Variants in ETV6 observed in about 807,000 individuals in gnomAD.
The protein encoded by ETV6 is ETS variant transcription factor 6.
A neutral mutation model predicts 51.1 loss-of-function variants in ETV6; 16 were observed. That is an observed-to-expected ratio of 0.31 (90% CI 0.21 to 0.48). The LOEUF (loss-of-function observed/expected upper bound fraction) is 0.48. Ranked by LOEUF, ETV6 falls within the 20% of genes least tolerant of loss-of-function variation. The pLI is 0.99. For missense variants in ETV6, 458 were observed against 594.8 expected (o/e 0.77, Z 2.39); for synonymous variants, 240 against 224.1 (o/e 1.07, Z -0.64).
At chr12:11,734,399 G>C (rs1865662810) in intron 1 of ETV6, among the ~76,000 whole-genome samples, 1 of 151,818 alleles carries the variant, frequency 6.6e-6, no homozygotes, top group Non-Finnish European at 1.5e-5. Flanking sequence ...TTGAGCTCAG[G>C]AGTTCGAGAC....
chr12:11,652,176 AGAAAG>A (rs750255856), intron 1 of ETV6, among the ~76,000 whole-genome samples: 12 of 152,234 alleles, frequency 7.9e-5, no homozygotes, highest in Non-Finnish European at 1.6e-4. Flanking sequence ...GTTCTTTACC[AGAAAG>A]GAAAGAATCA....
chr12:11,723,800 T>C (rs1175648616), intron 1 of ETV6, among the ~76,000 whole-genome samples: 2 of 152,224 alleles, frequency 1.3e-5, no homozygotes, highest in Middle Eastern at 3.4e-3. Flanking sequence ...TCACCAACCA[T>C]TGAGAAAGCT....
rs1198574798 is a variant in ETV6, at chr12:11,739,010, A to C, written c.34-13440A>C. 4.9e-4 allele frequency among the ~76,000 whole-genome samples: 74 copies of C among 152,162 alleles called. 1 individual carries two copies. The highest frequency in any genetic ancestry group is 4.7e-3 in the Admixed American group (72 of 15,280). Reference sequence around the variant, plus strand: ...TTGGGGAGGAGAGCTGAAACTTTGCAAAGTGGCGTCCTGAACCAACTTGTT... The same window carrying C: ...TTGGGGAGGAGAGCTGAAACTTTGCCAAGTGGCGTCCTGAACCAACTTGTT... On this transcript the variant is annotated intron_variant, in intron 1 of 7. Coordinates refer to ENST00000396373, the MANE Select transcript of ETV6 (RefSeq NM_001987.5).
intron 2 of ETV6, among the ~76,000 whole-genome samples, chr12:11,837,046 A>G (rs1314262611): frequency 1.3e-5 from 2 of 152,186 alleles, no homozygotes; most frequent in Non-Finnish European, 2.9e-5. Context: ...TACCAGTTCA[A>G]AAACTGAGAT....
intron 1 of ETV6, among the ~76,000 whole-genome samples, chr12:11,681,494 T>A (rs542807926): frequency 6.8e-6 from 1 of 147,814 alleles, no homozygotes; most frequent in East Asian, 2.0e-4. Context: ...TTTCACCGTT[T>A]AAGGTCTTTC....
At chr12:11,654,932 A>G (rs945112229) in intron 1 of ETV6, among the ~76,000 whole-genome samples, 1 of 152,164 alleles carries the variant, frequency 6.6e-6, no homozygotes, top group East Asian at 1.9e-4. Context: ...AGCTGGCCCT[A>G]GAGAAGTAGC....
intron 2 of ETV6, among the ~76,000 whole-genome samples, chr12:11,824,502 G>C (rs1946125189): frequency 6.6e-6 from 1 of 152,232 alleles, no homozygotes; most frequent in Non-Finnish European, 1.5e-5. Flanking sequence ...GGGATGGCCA[G>C]GCATGGTGGC....
chr12:11,684,346 A>T (rs544344880), intron 1 of ETV6, among the ~76,000 whole-genome samples: 1 of 152,354 alleles, frequency 6.6e-6, no homozygotes, highest in South Asian at 2.1e-4. Context: ...TTAGCTTTTA[A>T]AACATATTAT....
At chr12:11,789,312 G>A (rs1283765231) in intron 2 of ETV6, among the ~76,000 whole-genome samples, 3 of 152,114 alleles carry the variant, frequency 2.0e-5, no homozygotes, top group Non-Finnish European at 4.4e-5. Context: ...GATTACAGGG[G>A]TGAGCCACGA....
intron 1 of ETV6, among the ~76,000 whole-genome samples, chr12:11,707,713 C>T (rs947695224): frequency 2.0e-5 from 3 of 152,152 alleles, no homozygotes; most frequent in Admixed American, 6.5e-5. Flanking sequence ...ACACAGGCCC[C>T]GAGTCGTATG....
Position 11,892,182 on chromosome 12 carries a change from C to T in ETV6, c.*1136C>T, listed in dbSNP as rs1947300606. On this transcript the variant is annotated 3_prime_UTR_variant, in exon 8 of 8. Coordinates refer to ENST00000396373, the MANE Select transcript of ETV6 (RefSeq NM_001987.5). Reference sequence around the variant, plus strand: ...CTCTCTGCTCCATTCCAAAGGCCATCTTGTGGTCAGTTTCATGCCCTCACC... The same window carrying T: ...CTCTCTGCTCCATTCCAAAGGCCATTTTGTGGTCAGTTTCATGCCCTCACC... 1 of 220,432 alleles carries T rather than the reference C, an allele frequency of 4.5e-6. No homozygotes were observed. Among genetic ancestry groups the T allele is most frequent in the South Asian group, 2.0e-4 (1 of 5,042 alleles). The allele number at this position is 220,432 out of a possible 1,614,324, so 13.7% of individuals were successfully genotyped here.
Position 11,839,234 on chromosome 12 carries a change from G to A in ETV6, c.258G>A (p.Thr86=), listed in dbSNP as rs11611479. The change falls in exon 3 of 8, where the codon ACG becomes ACA. Residue 86 remains threonine, a synonymous_variant. Coordinates refer to ENST00000396373, the MANE Select transcript of ETV6 (RefSeq NM_001987.5). ...EFSLRPIDSN[T]FEMNGKALLL... ...CTTTAAGGCCAATTGACAGCAACAC[G>A]TTTGAAATGAATGGCAAAGCTCTCC... 0.13 allele frequency: 208,950 copies of A among 1,613,854 alleles called. 15,895 individuals are homozygous for A. Among genetic ancestry groups the A allele is most frequent in the South Asian group, 0.3 (27,255 of 91,018 alleles).
chr12:11,849,552 A>G (rs1946515823), intron 3 of ETV6, among the ~76,000 whole-genome samples: 1 of 152,248 alleles, frequency 6.6e-6, no homozygotes, highest in Non-Finnish European at 1.5e-5. Context: ...GTCTTCATTT[A>G]CTTAGCAACC....
chr12:11,686,244 CTAA>C (rs1485610912), intron 1 of ETV6, among the ~76,000 whole-genome samples: 1 of 152,178 alleles, frequency 6.6e-6, no homozygotes, highest in African/African-American at 2.4e-5. Context: ...TCACCAGGGA[CTAA>C]TGATTGTATT....
intron 1 of ETV6, among the ~76,000 whole-genome samples, chr12:11,707,815 G>A (rs1350819509): frequency 3.3e-5 from 5 of 152,090 alleles, no homozygotes; most frequent in South Asian, 2.1e-4. Context: ...GTTCTTCTCC[G>A]TCCAGTGACC....
At chr12:11,673,941 G>C (rs568038945) in intron 1 of ETV6, among the ~76,000 whole-genome samples, 1 of 152,268 alleles carries the variant, frequency 6.6e-6, no homozygotes, top group African/African-American at 2.4e-5. Flanking sequence ...TTTGGAATTT[G>C]GTTGAAGCAA....
intron 1 of ETV6, 44 bp from the exon 2 acceptor site, chr12:11,752,406 T>G (rs1467164738): frequency 1.9e-6 from 3 of 1,582,024 alleles, no homozygotes; most frequent in Non-Finnish European, 2.6e-6. Context: ...CAAGCTTTCA[T>G]TGTCTCTCTC....
chr12:11,811,129 A>T (rs972501519), intron 2 of ETV6, among the ~76,000 whole-genome samples: 2 of 152,112 alleles, frequency 1.3e-5, no homozygotes, highest in African/African-American at 2.4e-5. Flanking sequence ...TCTCTAACTC[A>T]AATCATTGCC....
intron 2 of ETV6, among the ~76,000 whole-genome samples, chr12:11,761,884 C>T (rs536805267): frequency 6.6e-6 from 1 of 152,334 alleles, no homozygotes; most frequent in African/African-American, 2.4e-5. Flanking sequence ...GGGGTATCAG[C>T]AGTGGAACAT....
Sources: gnomAD v4.1 joint callset for allele counts (sites outside exome capture counted in the v4.1 genomes callset) on GRCh38, gnomAD v4.1.1 for gene constraint, MANE v1.5 for transcripts, NCBI Gene and HGNC (gene_info 2026-07-23, HGNC 2026-07-21) for gene names.